CPEB3: variants seen among roughly 807,000 people sequenced by gnomAD.
The protein encoded by CPEB3 is cytoplasmic polyadenylation element-binding protein 3.
CPEB3 carries 20 observed loss-of-function variants against 67.2 expected under a neutral mutation model. The ratio of observed to expected loss-of-function variants is 0.30; its 90% confidence interval spans 0.21 to 0.43. CPEB3 has a LOEUF of 0.43. Among genes scored for constraint, CPEB3 ranks in the 20% least tolerant of loss-of-function variants. The probability of loss-of-function intolerance (pLI) is 1.00; values close to 1 mark genes in which losing one functional copy is unlikely to be tolerated. For missense variants in CPEB3, 746 were observed against 968.6 expected (o/e 0.77, Z 3.05); for synonymous variants, 376 against 393.1 (o/e 0.96, Z 0.51).
At chr10:92,283,722 CTT>C (rs869248048) in intron 1 of CPEB3, among the ~76,000 whole-genome samples, 6 of 108,936 alleles carry the variant, frequency 5.5e-5, no homozygotes, top group Non-Finnish European at 7.7e-5. Context: ...CTTTTTCTTT[CTT>C]TTTTTTTTTT....
intron 1 of CPEB3, among the ~76,000 whole-genome samples, chr10:92,253,390 G>T (rs1309690187): frequency 6.8e-6 from 1 of 148,140 alleles, no homozygotes; most frequent in African/African-American, 2.5e-5. Flanking sequence ...AACCCGAGAG[G>T]TGGAGGTTGC....
chr10:92,092,212 T>C (rs888804851), intron 7 of CPEB3, among the ~76,000 whole-genome samples: 1 of 152,210 alleles, frequency 6.6e-6, no homozygotes, highest in African/African-American at 2.4e-5. Flanking sequence ...GGTTTTTTTA[T>C]TTTAAGGCAG....
Position 92,111,212 on chromosome 10 carries a change from C to T in CPEB3, c.1454-18G>A. 1 of 1,472,902 alleles carries T rather than the reference C, an allele frequency of 6.8e-7. No individual in the cohort carries two copies. The highest frequency in any genetic ancestry group is 9.5e-7 in the Non-Finnish European group (1 of 1,051,474). 91.2% of individuals were successfully genotyped at this position (1,472,902 alleles called of 1,614,324 possible). A position where few individuals can be genotyped will look rare whatever the true frequency, so the allele number is the denominator to read the frequency against. The stretch of plus-strand genomic sequence containing the variant: ...GGCATAGCCTTGGGGAGAGCAAAAA[C>T]AAAAGGGTAGAGGAAGAATCAGTAC... On this transcript the variant is annotated intron_variant, in intron 6 of 9. Coordinates refer to ENST00000265997, the MANE Select transcript of CPEB3 (RefSeq NM_014912.5).
intron 7 of CPEB3, among the ~76,000 whole-genome samples, chr10:92,103,726 C>T (rs1420159963): frequency 6.6e-6 from 1 of 152,188 alleles, no homozygotes; most frequent in Non-Finnish European, 1.5e-5. Flanking sequence ...TAGCAGTTAG[C>T]AAAGCTTGAG....
At chr10:92,067,870 A>G (rs1178450606) in intron 9 of CPEB3, among the ~76,000 whole-genome samples, 1 of 152,246 alleles carries the variant, frequency 6.6e-6, no homozygotes, top group Non-Finnish European at 1.5e-5. Context: ...ATGTGAAAAC[A>G]GCTTTTCCAC....
chr10:92,196,716 C>T (rs796932477), intron 2 of CPEB3, among the ~76,000 whole-genome samples: 3 of 150,818 alleles, frequency 2.0e-5, no homozygotes, highest in African/African-American at 4.9e-5. Flanking sequence ...TGCAGTGAGC[C>T]GAGCTCATGG....
intron 1 of CPEB3, among the ~76,000 whole-genome samples, chr10:92,258,678 ATT>A (rs1852650506): frequency 2.6e-5 from 3 of 114,214 alleles, no homozygotes; most frequent in South Asian, 5.9e-4. Context: ...ATATATATAT[ATT>A]TCATGTATTT....
At chr10:92,287,133 C>CTTTT (rs377070575) in intron 1 of CPEB3, among the ~76,000 whole-genome samples, 1 of 144,428 alleles carries the variant, frequency 6.9e-6, no homozygotes. Context: ...TTATCATAGA[C>CTTTT]TTTTTTTTTT....
At chr10:92,175,428 G>A (rs1468722176) in intron 4 of CPEB3, among the ~76,000 whole-genome samples, 3 of 151,792 alleles carry the variant, frequency 2.0e-5, no homozygotes, top group East Asian at 1.9e-4. Flanking sequence ...GTGGACATAC[G>A]TTTTCATTTT....
chr10:92,091,618 C>G (rs1175196724), intron 8 of CPEB3, among the ~76,000 whole-genome samples: 2 of 152,196 alleles, frequency 1.3e-5, no homozygotes, highest in African/African-American at 4.8e-5. Context: ...GTCAACATAA[C>G]TGTTTAATGA....
chr10:92,243,310 T>C (rs1851927332), intron 1 of CPEB3: 1 of 152,174 alleles, frequency 6.6e-6, no homozygotes, highest in Non-Finnish European at 1.5e-5. Flanking sequence ...CACAGGGAAC[T>C]GTGGGGGCTG....
chr10:92,196,297 T>C (rs903989039), intron 2 of CPEB3, among the ~76,000 whole-genome samples: 12 of 152,220 alleles, frequency 7.9e-5, no homozygotes, highest in Admixed American at 3.3e-4. Flanking sequence ...CCTGGCTACC[T>C]TGCAGAGGGT....
intron 6 of CPEB3, among the ~76,000 whole-genome samples, chr10:92,133,368 C>T (rs1188460082): frequency 6.6e-6 from 1 of 152,102 alleles, no homozygotes; most frequent in Non-Finnish European, 1.5e-5. Flanking sequence ...ATACAAACTA[C>T]CATCAAAGAA....
At position 92,240,027 on chromosome 10, in the gene CPEB3, G is replaced by A. The variant is rs61735094; in HGVS notation, c.324C>T (p.Gly108=). 3.3e-4 allele frequency: 526 copies of A among 1,605,568 alleles called. 2 individuals are homozygous for A. The African/African-American group carries it at 6.5e-3, about 20-fold the overall frequency. ...TGGTGGTGCCCGTGGACCAGGTGCT[G>A]CCGAAGGACGGCGACAGCGACGCGC... is the stretch of plus-strand genomic sequence containing the variant. ...APGASLSPSF[G]STWSTGTTNA... is the part of the protein sequence containing the mutation. Residue 108 remains glycine, a synonymous_variant, in exon 2 of 10, where the codon GGC becomes GGT. Coordinates refer to ENST00000265997, the MANE Select transcript of CPEB3 (RefSeq NM_014912.5).
chr10:92,137,401 G>A, intron 6 of CPEB3: 1 of 1,112,396 alleles, frequency 9.0e-7, no homozygotes, highest in South Asian at 1.6e-5. Context: ...ACTGGACGAA[G>A]CTGATGAAAT....
At chr10:92,291,140 C>G (rs973941531), upstream of CPEB3, 10 of 398,918 alleles carry the variant, frequency 2.5e-5, no homozygotes, top group Admixed American at 2.9e-4. Flanking sequence ...CGTCGTAACC[C>G]TGGCGCGCAC....
intron 1 of CPEB3, among the ~76,000 whole-genome samples, chr10:92,248,399 G>A (rs1185662346): frequency 6.6e-6 from 1 of 152,172 alleles, no homozygotes; most frequent in Non-Finnish European, 1.5e-5. Context: ...GGAACCCACA[G>A]ATAAGAAAGG....
At chr10:92,196,273 A>G (rs1480395331) in intron 2 of CPEB3, among the ~76,000 whole-genome samples, 1 of 152,244 alleles carries the variant, frequency 6.6e-6, no homozygotes, top group African/African-American at 2.4e-5. Context: ...TGTGAGCAGC[A>G]GGCAATAAAC....
intron 6 of CPEB3, among the ~76,000 whole-genome samples, chr10:92,115,155 C>T (rs1249777711): frequency 6.6e-6 from 1 of 152,154 alleles, no homozygotes; most frequent in Non-Finnish European, 1.5e-5. Flanking sequence ...CCGCCTCAGC[C>T]ATGGACGCGT....
Sources: allele counts gnomAD v4.1 joint callset (sites outside exome capture counted in the v4.1 genomes callset), GRCh38; gene constraint gnomAD v4.1.1; transcripts MANE v1.5; gene names NCBI Gene and HGNC (gene_info 2026-07-23, HGNC 2026-07-21).